The following HTR2C variants were observed in gnomAD, a reference collection of about 807,000 sequenced individuals.
HTR2C encodes 5-hydroxytryptamine receptor 2C.
In HTR2C, 5 loss-of-function variants were observed where a neutral mutation model predicts 21.0. The observed-to-expected ratio is 0.24, with a 90% CI of 0.12 to 0.50. The LOEUF (loss-of-function observed/expected upper bound fraction) is 0.50. HTR2C is among the 20% of genes least tolerant of loss of function. The probability of loss-of-function intolerance (pLI) is 0.98; values close to 1 mark genes in which losing one functional copy is unlikely to be tolerated. For synonymous variants in HTR2C, 150 were observed against 145.3 expected (o/e 1.03, Z -0.23); for missense variants, 271 against 371.2 (o/e 0.73, Z 2.22).
intron 2 of HTR2C, among the ~76,000 whole-genome samples, chrX:114,620,965 C>CT (rs1929136900): frequency 8.9e-6 from 1 of 111,737 alleles, no homozygotes; most frequent in Middle Eastern, 4.6e-3. Flanking sequence ...ACTGCAAACT[C>CT]TGTCTCCCGG....
chrX:114,804,072 A>G (rs781890788), intron 4 of HTR2C, among the ~76,000 whole-genome samples: 154 of 111,824 alleles, frequency 1.4e-3, no homozygotes, highest in Non-Finnish European at 2.4e-3. Context: ...AATCATTTTA[A>G]TAGAAGGTGG....
At chrX:114,835,906 G>GT (rs1468861923) in intron 4 of HTR2C, among the ~76,000 whole-genome samples, 1 of 109,679 alleles carries the variant, frequency 9.1e-6, no homozygotes, top group Non-Finnish European at 1.9e-5. Context: ...CTTTCTGTCT[G>GT]TTAGTTTTCC....
chrX:114,819,207 A>G (rs1303635801), intron 4 of HTR2C, among the ~76,000 whole-genome samples: 1 of 112,213 alleles, frequency 8.9e-6, no homozygotes, highest in Non-Finnish European at 1.9e-5. Flanking sequence ...TAAATTTATT[A>G]AATACTCCAG....
At chrX:114,885,345 A>G (rs1254603039) in intron 5 of HTR2C, among the ~76,000 whole-genome samples, 1 of 111,353 alleles carries the variant, frequency 9.0e-6, no homozygotes, top group Non-Finnish European at 1.9e-5. Flanking sequence ...ACAGGAGTCC[A>G]GGTGTGTAGT....
intron 2 of HTR2C, among the ~76,000 whole-genome samples, chrX:114,660,899 C>A (rs1042252816): frequency 1.8e-5 from 2 of 112,037 alleles, no homozygotes; most frequent in Non-Finnish European, 3.8e-5. Context: ...ATTTTGTAAA[C>A]CCCAAAGTTG....
rs137891959 is a variant in HTR2C, at chrX:114,741,333, A to G, written c.349+9726A>G. On this transcript the variant is annotated intron_variant, in intron 4 of 5. Transcript: ENST00000276198. ...CAGGAGATAGAGACCAGCCAGGCCA[A>G]TATGGTGAAACCCCATCTCTATTAA... Among the ~76,000 whole-genome samples the G allele has an allele frequency of 2.9e-4, 31 of 105,245 alleles. No homozygotes were observed. In the East Asian group the frequency reaches 8.6e-3, roughly 29 times the overall value. 91.4% of individuals were successfully genotyped at this position (105,245 alleles called of 115,157 possible). A position where few individuals can be genotyped will look rare whatever the true frequency, so the allele number is the denominator to read the frequency against.
At chrX:114,668,776 G>A (rs1018999076) in intron 2 of HTR2C, among the ~76,000 whole-genome samples, 2 of 111,060 alleles carry the variant, frequency 1.8e-5, no homozygotes, top group African/African-American at 6.5e-5. Flanking sequence ...ATGGAAGAGA[G>A]ATTATATAGC....
rs781879400 is a variant in HTR2C, at chrX:114,814,175, G to GA, written c.350-33822dup. ...TACAAAAGCACAGAAAAATGAAAGG[G>GA]AAAAAATAGCTGGAGATGAGGCTGG... On this transcript the variant is annotated intron_variant, in intron 4 of 5. Transcript: ENST00000276198. Among the ~76,000 whole-genome samples the GA allele has an allele frequency of 5.5e-3, 602 of 109,263 alleles. 8 individuals are homozygous for GA. The highest frequency in any genetic ancestry group is 0.019 in the African/African-American group (573 of 30,052). The allele number at this position is 109,263 out of a possible 115,157, so 94.9% of individuals were successfully genotyped here.
intron 3 of HTR2C, 137 bp downstream of exon 3, chrX:114,727,108 T>C: frequency 2.6e-6 from 1 of 384,746 alleles, no homozygotes; most frequent in Non-Finnish European, 4.3e-6. Context: ...CCCAAAAGAC[T>C]AATATTATGG....
chrX:114,800,685 C>T (rs1364057054), intron 4 of HTR2C, among the ~76,000 whole-genome samples: 3 of 111,429 alleles, frequency 2.7e-5, no homozygotes, highest in South Asian at 3.7e-4. Flanking sequence ...TGTGTCACTG[C>T]AACATTTACG....
At chrX:114,696,727 A>G (rs782103922) in intron 2 of HTR2C, among the ~76,000 whole-genome samples, 4 of 110,520 alleles carry the variant, frequency 3.6e-5, no homozygotes, top group Admixed American at 9.7e-5. Context: ...AAAGAATTTG[A>G]TAATCTTTGA....
chrX:114,828,890 T>C (rs782336218), intron 4 of HTR2C, among the ~76,000 whole-genome samples: 3 of 112,337 alleles, frequency 2.7e-5, no homozygotes, highest in Non-Finnish European at 5.6e-5. Flanking sequence ...AACCATAATG[T>C]GCCATGTATT....
intron 3 of HTR2C, among the ~76,000 whole-genome samples, chrX:114,729,528 G>C (rs1338709153): frequency 9.0e-6 from 1 of 111,541 alleles, no homozygotes; most frequent in African/African-American, 3.3e-5. Flanking sequence ...TGTTTATTTG[G>C]TCCTTTATTT....
chrX:114,625,271 A>C (rs1929330622), intron 2 of HTR2C, among the ~76,000 whole-genome samples: 1 of 109,343 alleles, frequency 9.1e-6, no homozygotes, highest in Middle Eastern at 4.9e-3. Context: ...TTCTCTACTT[A>C]TAGTTTGGGT....
At chrX:114,615,998 G>A (rs1347981033) in intron 2 of HTR2C, among the ~76,000 whole-genome samples, 1 of 111,946 alleles carries the variant, frequency 8.9e-6, no homozygotes, top group Non-Finnish European at 1.9e-5. Flanking sequence ...CATCATGTAG[G>A]TATGTAAGGC....
intron 4 of HTR2C, among the ~76,000 whole-genome samples, chrX:114,811,262 G>T (rs1344011848): frequency 9.2e-6 from 1 of 109,011 alleles, no homozygotes; most frequent in Non-Finnish European, 1.9e-5. Context: ...GGAGAAAGAG[G>T]TTTGAAGTAA....
chrX:114,842,780 G>C (rs1439312176), intron 4 of HTR2C, among the ~76,000 whole-genome samples: 2 of 111,486 alleles, frequency 1.8e-5, no homozygotes, highest in Admixed American at 9.6e-5. Flanking sequence ...CCTGCAAAAA[G>C]TAAGAAAGCA....
chrX:114,679,764 T>C (rs932050736), intron 2 of HTR2C, among the ~76,000 whole-genome samples: 1 of 111,622 alleles, frequency 9.0e-6, no homozygotes. Context: ...GTTAAAAAGA[T>C]AGAGTCTTGC....
At chrX:114,904,269 T>G (rs2071356852) in intron 5 of HTR2C, among the ~76,000 whole-genome samples, 1 of 111,588 alleles carries the variant, frequency 9.0e-6, no homozygotes, top group African/African-American at 3.3e-5. Context: ...ATTACAAAGG[T>G]AGAATTATAA....
Sources: allele counts gnomAD v4.1 joint callset (sites outside exome capture counted in the v4.1 genomes callset), GRCh38; gene constraint gnomAD v4.1.1; transcripts MANE v1.5; gene names NCBI Gene and HGNC (gene_info 2026-07-23, HGNC 2026-07-21).